Variants in GIP observed in about 807,000 individuals in gnomAD.
The protein encoded by GIP is glucose-dependent insulinotropic polypeptide.
In GIP, 16 loss-of-function variants were observed where a neutral mutation model predicts 18.1. The observed-to-expected ratio is 0.88, with a 90% CI of 0.60 to 1.34. The LOEUF (loss-of-function observed/expected upper bound fraction) is 1.34. GIP is among the 40% of genes most tolerant of loss of function. The probability of loss-of-function intolerance (pLI) is 0.00; values close to 1 mark genes in which losing one functional copy is unlikely to be tolerated. For synonymous variants in GIP, 76 were observed against 74.0 expected (o/e 1.03, Z -0.14); for missense variants, 192 against 183.4 (o/e 1.05, Z -0.27).
chr17:48,960,971 G>T lies in GIP; in HGVS notation c.367C>A (p.Pro123Thr), dbSNP rs757843960. The change falls in exon 5 of 6, where the codon CCC becomes ACC. Residue 123 changes from proline (P) to threonine (T), a missense_variant. Physicochemically the swap from Pro to Thr is conservative, Grantham distance 38. Transcript: ENST00000357424. ...TCCCGCAGCAAATCTTCATCGCTGG[G>T]GTTCTTGGCTGGGGAGCTGCAAGGG... ...VEPQSSPAKN[P>T]SDEDLLRDLL... is the part of the protein sequence containing the mutation. 1.9e-6 allele frequency: 3 copies of T among 1,608,004 alleles called. No homozygotes were observed. Among genetic ancestry groups the T allele is most frequent in the Admixed American group, 3.4e-5 (2 of 59,122 alleles).
At chr17:48,967,354 T>A (rs2041240573) in intron 1 of GIP, 101 bp from the exon 2 acceptor site, 32 of 630,926 alleles carry the variant, frequency 5.1e-5, no homozygotes, top group Non-Finnish European at 6.1e-5. Flanking sequence ...TTTCTTTTCC[T>A]TTTTCTTTTT....
At position 48,961,795 on chromosome 17, in the gene GIP, C is replaced by T; in HGVS notation, c.282G>A (p.Arg94=). The T allele has an allele frequency of 6.2e-7, 1 of 1,612,848 alleles. No homozygotes were observed. Among genetic ancestry groups the T allele is most frequent in the Non-Finnish European group, 8.5e-7 (1 of 1,179,610 alleles). Residue 94 remains arginine, a synonymous_variant, in exon 4 of 6, where the codon AGG becomes AGA. Transcript: ENST00000357424. ...KNDWKHNITQ[R]EARALELASQ... is the part of the protein sequence containing the mutation. ...TGGCCAGCTCCAGCGCCCGAGCCTC[C>T]CTCTGGGTGATGTTGTGTTTCCAGC...
chr17:48,965,304 TAA>T (rs35687818), intron 2 of GIP, among the ~76,000 whole-genome samples: 101,066 of 111,240 alleles, frequency 0.91, 46,017 homozygotes, highest in East Asian at 0.96. Context: ...TTCGTCTCAA[TAA>T]AAAAAAAAAA....
chr17:48,958,625 T>C lies in GIP; in HGVS notation c.*82A>G, dbSNP rs933455894. The C allele has an allele frequency of 8.8e-6, 10 of 1,137,354 alleles. No individual in the cohort carries two copies. The African/African-American group carries it at 1.2e-4, about 14-fold the overall frequency. The allele number at this position is 1,137,354 out of a possible 1,614,324, so 70.5% of individuals were successfully genotyped here. A position where few individuals can be genotyped will look rare whatever the true frequency, so the allele number is the denominator to read the frequency against. On this transcript the variant is annotated 3_prime_UTR_variant, in exon 6 of 6. Coordinates refer to ENST00000357424, the MANE Select transcript of GIP (RefSeq NM_004123.3). ...TTAGCATAAACTTTATTGGTTTGGG[T>C]TCTCTTGGCTATTCTGGAGTGGGGC...
intron 4 of GIP, among the ~76,000 whole-genome samples, chr17:48,961,411 T>C (rs1397982042): frequency 6.6e-6 from 1 of 152,070 alleles, no homozygotes; most frequent in Non-Finnish European, 1.5e-5. Context: ...GGAGAGGTGG[T>C]GAGGCCAGGA....
chr17:48,966,549 T>C (rs1305579668), intron 2 of GIP, among the ~76,000 whole-genome samples: 1 of 146,844 alleles, frequency 6.8e-6, no homozygotes, highest in Non-Finnish European at 1.5e-5. Flanking sequence ...AGAGCGAGAC[T>C]CCATCCCCCC....
At chr17:48,966,537 A>G (rs2041236841) in intron 2 of GIP, among the ~76,000 whole-genome samples, 1 of 151,804 alleles carries the variant, frequency 6.6e-6, no homozygotes, top group African/African-American at 2.4e-5. Context: ...AGCCTAGGTG[A>G]CAGAGCGAGA....
intron 5 of GIP, among the ~76,000 whole-genome samples, chr17:48,959,418 C>A (rs1420519835): frequency 1.3e-5 from 2 of 152,206 alleles, no homozygotes; most frequent in African/African-American, 4.8e-5. Context: ...CCTGAGGTTC[C>A]TGTCCCAGAT....
intron 3 of GIP, among the ~76,000 whole-genome samples, chr17:48,962,978 G>A (rs961769956): frequency 1.9e-4 from 29 of 151,982 alleles, no homozygotes; most frequent in Non-Finnish European, 7.4e-5. Context: ...ATGGTGGCGG[G>A]CACCTGTAGT....
At chr17:48,964,873 C>T (rs544793726) in intron 2 of GIP, among the ~76,000 whole-genome samples, 35 of 152,230 alleles carry the variant, frequency 2.3e-4, no homozygotes, top group African/African-American at 7.7e-4. Flanking sequence ...GGCGTGGTGG[C>T]TTACGCCTGT....
At chr17:48,964,178 G>C in intron 3 of GIP, 132 bp downstream of exon 3, 1 of 436,022 alleles carries the variant, frequency 2.3e-6, no homozygotes, top group Non-Finnish European at 4.0e-6. Flanking sequence ...AAAAAAAAAA[G>C]AAAAGAAAAA....
chr17:48,960,691 A>AT (rs1178286365), intron 5 of GIP, among the ~76,000 whole-genome samples, 195 bp downstream of exon 5: 1 of 150,746 alleles, frequency 6.6e-6, no homozygotes, highest in African/African-American at 2.4e-5. Context: ...TTTTCTTTGT[A>AT]TTTTTCCACT....
chr17:48,962,201 C>T (rs1452598080), intron 3 of GIP, among the ~76,000 whole-genome samples: 1 of 152,154 alleles, frequency 6.6e-6, no homozygotes, highest in East Asian at 1.9e-4. Flanking sequence ...TCCCGAGTAG[C>T]TGAAACTACA....
intron 2 of GIP, among the ~76,000 whole-genome samples, 181 bp from the exon 3 acceptor site, chr17:48,964,661 T>C (rs190161045): frequency 1.1e-4 from 17 of 152,212 alleles, no homozygotes; most frequent in African/African-American, 4.1e-4. Context: ...AGGGCCCACT[T>C]CCTGCAGCCT....
intron 2 of GIP, among the ~76,000 whole-genome samples, chr17:48,966,561 CA>C (rs910413493): frequency 2.8e-5 from 4 of 143,806 alleles, no homozygotes; most frequent in Non-Finnish European, 3.1e-5. Context: ...CATCCCCCCC[CA>C]AAAAAAAAGA....
At chr17:48,965,454 A>C (rs926836449) in intron 2 of GIP, among the ~76,000 whole-genome samples, 2 of 149,434 alleles carry the variant, frequency 1.3e-5, no homozygotes, top group Non-Finnish European at 3.0e-5. Context: ...AATACAAAAA[A>C]ATTAGCCAGG....
intron 2 of GIP, among the ~76,000 whole-genome samples, chr17:48,965,138 C>CAAATAAAAAAAAAAAAAAAAAAAA (rs2041228489): frequency 9.1e-6 from 1 of 109,608 alleles, no homozygotes; most frequent in African/African-American, 4.7e-5. Flanking sequence ...GACTCCGTCT[C>CAAATAAAAAAAAAAAAAAAAAAAA]AAAAAAAAAA....
At position 48,958,956 on chromosome 17, in the gene GIP, G is replaced by A. The variant is rs1010160229; in HGVS notation, c.453-240C>T. ...CGCAAGCTCCACCTCCTGGGTTCAC[G>A]CCATTCTCCTGCCTCAGCCTCCCGA... On this transcript the variant is annotated intron_variant, in intron 5 of 5. Transcript: ENST00000357424. 8.0e-5 allele frequency among the ~76,000 whole-genome samples: 12 copies of A among 150,632 alleles called. No individual in the cohort carries two copies. The South Asian group carries it at 8.4e-4, about 11-fold the overall frequency.
chr17:48,966,491 A>G (rs968411704), intron 2 of GIP, among the ~76,000 whole-genome samples: 2 of 151,674 alleles, frequency 1.3e-5, no homozygotes, highest in African/African-American at 2.4e-5. Context: ...CAGGAGGCAG[A>G]GGTTGTAGTG....
Sources: gnomAD v4.1 joint callset for allele counts (sites outside exome capture counted in the v4.1 genomes callset) on GRCh38, gnomAD v4.1.1 for gene constraint, MANE v1.5 for transcripts, NCBI Gene and HGNC (gene_info 2026-07-23, HGNC 2026-07-21) for gene names.